Variants in TTC7A observed in about 807,000 individuals in gnomAD.
TTC7A encodes tetratricopeptide repeat domain 7A.
A neutral mutation model predicts 103.7 loss-of-function variants in TTC7A; 110 were observed. The ratio of observed to expected loss-of-function variants is 1.06; its 90% confidence interval spans 0.91 to 1.24. The LOEUF (loss-of-function observed/expected upper bound fraction) is 1.24, where lower values mean the gene tolerates loss of function less well. TTC7A is among the 50% of genes most tolerant of loss of function. The pLI, the probability that TTC7A is intolerant of heterozygous loss-of-function variation, is 0.00. For missense variants in TTC7A, 1,340 were observed against 1,116.3 expected, an observed-to-expected ratio of 1.20 and a Z score of -2.86; for synonymous variants, 521 against 467.9, an observed-to-expected ratio of 1.11 and a Z score of -1.47.
rs572757801 is a variant in TTC7A at position 46,916,326 on chromosome 2, C to T, written c.-264C>T. The T allele has an allele frequency of 6.0e-5, 17 of 283,558 alleles. No individual in the cohort carries two copies. In the South Asian group the frequency reaches 2.3e-3, roughly 38 times the overall value. The allele number at this position is 283,558 out of a possible 1,614,324, so 17.6% of individuals were successfully genotyped here. A position where few individuals can be genotyped will look rare whatever the true frequency, so the allele number is the denominator to read the frequency against. ...CTGCTTCCAGCGTCTGCCAGCTCCA[C>T]TGCACAAGCTGCGGCAGCCGCTGTC... On this transcript the variant is annotated 5_prime_UTR_variant, in exon 1 of 21. Coordinates refer to the TTC7A transcript ENST00000409245.
At chr2:47,065,878 G>A (rs1684142773) in intron 19 of TTC7A, 1 of 152,180 alleles carries the variant, frequency 6.6e-6, no homozygotes, top group Non-Finnish European at 1.5e-5. Context: ...GTGTCTGGGT[G>A]GCACTCTGCC....
chr2:47,022,099 C>T (rs1031316457), intron 12 of TTC7A, 120 bp downstream of exon 12: 7 of 684,842 alleles, frequency 1.0e-5, no homozygotes, highest in South Asian at 1.8e-5. Context: ...AGACACCATG[C>T]ACTCCTCTGG....
intron 15 of TTC7A, 134 bp downstream of exon 15, chr2:47,029,518 T>A: frequency 9.8e-7 from 1 of 1,022,760 alleles, no homozygotes; most frequent in Non-Finnish European, 1.5e-6. Flanking sequence ...CAATCCCTGG[T>A]GGAGAGACAG....
At chr2:47,006,872 G>C (rs971089488) in intron 10 of TTC7A, 148 bp downstream of exon 10, 4 of 670,384 alleles carry the variant, frequency 6.0e-6, no homozygotes, top group African/African-American at 3.6e-5. Flanking sequence ...CGTGGGGTGG[G>C]CCACACAGAC....
chr2:46,933,021 A>G (rs993420853), intron 2 of TTC7A, among the ~76,000 whole-genome samples: 1 of 152,132 alleles, frequency 6.6e-6, no homozygotes, highest in East Asian at 1.9e-4. Context: ...AAACCAGACC[A>G]GCTAAGCTGC....
chr2:47,070,587 G>A lies in TTC7A; in HGVS notation c.2356-3115G>A, dbSNP rs145859157. Among the ~76,000 whole-genome samples, 500 of 152,316 alleles carry A rather than the reference G, an allele frequency of 3.3e-3. 3 individuals are homozygous for A. The highest frequency in any genetic ancestry group is 4.8e-3 in the Non-Finnish European group (328 of 68,020). Reference sequence around the variant, plus strand: ...TCCATGAGCCCCACAGTAACTAAGCGTGACCTTGAGGCGGTTGTGTGGTCA... The same window carrying A: ...TCCATGAGCCCCACAGTAACTAAGCATGACCTTGAGGCGGTTGTGTGGTCA... On this transcript the variant is annotated intron_variant, in intron 19 of 19. Coordinates refer to ENST00000319190, the MANE Select transcript of TTC7A (RefSeq NM_020458.4).
chr2:46,924,999 T>A (rs1669312527), intron 2 of TTC7A, among the ~76,000 whole-genome samples: 1 of 152,264 alleles, frequency 6.6e-6, no homozygotes, highest in South Asian at 2.1e-4. Flanking sequence ...GTAGCTTGGA[T>A]ACTGAAGTAA....
At chr2:46,964,473 G>T (rs533658469) in intron 3 of TTC7A, among the ~76,000 whole-genome samples, 16 of 152,194 alleles carry the variant, frequency 1.1e-4, no homozygotes, top group Admixed American at 9.2e-4. Context: ...CTAGATCTTT[G>T]GCTGTGGGTC....
intron 8 of TTC7A, 135 bp downstream of exon 8, chr2:46,995,334 T>C (rs1676074169): frequency 1.2e-6 from 1 of 859,604 alleles, no homozygotes; most frequent in Non-Finnish European, 1.8e-6. Context: ...AGATGCTTCT[T>C]GGCCCTGGGC....
chr2:46,978,629 A>G (rs1315710663), intron 4 of TTC7A, 163 bp from the exon 5 acceptor site: 2 of 545,074 alleles, frequency 3.7e-6, no homozygotes, highest in Non-Finnish European at 6.6e-6. Flanking sequence ...TGCTTTAGAC[A>G]TATTTTGAGT....
chr2:46,925,125 T>C (rs1471293574), intron 2 of TTC7A, among the ~76,000 whole-genome samples: 1 of 152,252 alleles, frequency 6.6e-6, no homozygotes, highest in Admixed American at 6.5e-5. Context: ...ATTATTTATT[T>C]ATTTATTTCA....
intron 14 of TTC7A, among the ~76,000 whole-genome samples, chr2:47,028,192 C>T (rs1054319356): frequency 6.6e-5 from 10 of 152,288 alleles, no homozygotes; most frequent in Admixed American, 3.3e-4. Context: ...CCCATAAGTC[C>T]AGCTATGGGC....
rs58579003 is a variant in TTC7A, at chr2:47,035,082, T to G, written c.1802+5698T>G. Among the ~76,000 whole-genome samples, 239 of 152,252 alleles carry G rather than the reference T, an allele frequency of 1.6e-3. 2 individuals carry two copies. Among genetic ancestry groups the G allele is most frequent in the African/African-American group, 5.2e-3 (217 of 41,538 alleles). On this transcript the variant is annotated intron_variant, in intron 15 of 19. Coordinates refer to ENST00000319190, the MANE Select transcript of TTC7A (RefSeq NM_020458.4). ...GGGATCTACCTGGTGTGCCTCACCT[T>G]TTTTTCAGGTGGCGCTTGTTGTATA...
At chr2:47,060,743 C>A in intron 18 of TTC7A, 26 bp from the exon 19 acceptor site, 1 of 1,571,358 alleles carries the variant, frequency 6.4e-7, no homozygotes, top group South Asian at 1.2e-5. Flanking sequence ...CCACTCACAC[C>A]TCCCACTGCC....
chr2:47,051,731 C>CCTCTTGCT lies in TTC7A; in HGVS notation c.2018-12_2018-5dup. 6.2e-7 allele frequency: 1 copy of CCTCTTGCT among 1,605,468 alleles called. No homozygotes were observed. The highest frequency in any genetic ancestry group is 8.5e-7 in the Non-Finnish European group (1 of 1,175,882). On this transcript the variant is annotated splice_polypyrimidine_tract_variant and intron_variant, in intron 17 of 19. Transcript: ENST00000319190. ...CCTCTGACCACTGCTCGGCTCGTGC[C>CCTCTTGCT]CTCTTGCTCTGCAGGCTCCCGGCGG...
chr2:47,070,980 G>A (rs961821843), intron 19 of TTC7A: 2 of 152,200 alleles, frequency 1.3e-5, no homozygotes, highest in Non-Finnish European at 2.9e-5. Context: ...CCAGGATGAG[G>A]GATGGGGGAT....
At chr2:46,948,072 A>C (rs1337387947) in intron 1 of TTC7A, among the ~76,000 whole-genome samples, 2 of 152,244 alleles carry the variant, frequency 1.3e-5, no homozygotes, top group Non-Finnish European at 2.9e-5. Context: ...GGTGGATGGC[A>C]GAGTGCACGG....
chr2:47,056,624 G>C (rs1683341290), intron 18 of TTC7A, among the ~76,000 whole-genome samples: 1 of 152,176 alleles, frequency 6.6e-6, no homozygotes. Flanking sequence ...GTTAGACCAG[G>C]ATGCCTCAAA....
chr2:46,930,211 A>G (rs1669619124), intron 2 of TTC7A, among the ~76,000 whole-genome samples: 2 of 152,222 alleles, frequency 1.3e-5, no homozygotes, highest in Admixed American at 6.5e-5. Context: ...GAGGATCATT[A>G]TAAACAAAAA....
Sources: gnomAD v4.1 joint callset for allele counts (sites outside exome capture counted in the v4.1 genomes callset) on GRCh38, gnomAD v4.1.1 for gene constraint, MANE v1.5 for transcripts, NCBI Gene and HGNC (gene_info 2026-07-23, HGNC 2026-07-21) for gene names.